RHBDD1: variants seen among roughly 807,000 people sequenced by gnomAD.
RHBDD1 encodes the protein rhomboid-related protein 4.
A neutral mutation model predicts 36.3 loss-of-function variants in RHBDD1; 38 were observed. The ratio of observed to expected loss-of-function variants is 1.05; its 90% CI spans 0.81 to 1.37. The LOEUF (loss-of-function observed/expected upper bound fraction) is 1.37. Among genes scored for constraint, RHBDD1 ranks in the 40% most tolerant of loss-of-function variants. The pLI, the probability that RHBDD1 is intolerant of heterozygous loss-of-function variation, is 0.00. For synonymous variants in RHBDD1, 151 were observed against 136.5 expected (o/e 1.11, Z -0.74); for missense variants, 393 against 377.6 (o/e 1.04, Z -0.34).
chr2:226,993,604 G>A (rs912369786), intron 8 of RHBDD1, among the ~76,000 whole-genome samples: 4 of 152,134 alleles, frequency 2.6e-5, no homozygotes, highest in Non-Finnish European at 5.9e-5. Flanking sequence ...GTTTTTTGGG[G>A]TGTTTATTTT....
intron 7 of RHBDD1, among the ~76,000 whole-genome samples, chr2:226,910,898 G>A (rs775585023): frequency 1.5e-4 from 23 of 152,092 alleles, no homozygotes; most frequent in African/African-American, 2.2e-4. Context: ...TATGATTGAC[G>A]ATATAGAACG....
chr2:226,815,878 A>T, the RHBDD1 span, among the ~76,000 whole-genome samples: 1 of 152,180 alleles, frequency 6.6e-6, no homozygotes, highest in African/African-American at 2.4e-5. Context: ...CTCTATTATA[A>T]CATATTCATG....
intron 8 of RHBDD1, among the ~76,000 whole-genome samples, chr2:226,927,129 A>G (rs79270414): frequency 0.01 from 1,576 of 152,166 alleles, 47 homozygotes; most frequent in Admixed American, 0.065. Flanking sequence ...TTAATCCTCA[A>G]CAAGCACTGT....
At position 226,957,725 on chromosome 2, in the gene RHBDD1, G is replaced by A. The variant is rs183731237; in HGVS notation, c.857-37706G>A. Among the ~76,000 whole-genome samples, 668 of 152,172 alleles carry A rather than the reference G, an allele frequency of 4.4e-3. 1 individual carries two copies. The highest frequency in any genetic ancestry group is 7.6e-3 in the Non-Finnish European group (517 of 68,002). On this transcript the variant is annotated intron_variant, in intron 8 of 8. Transcript: ENST00000392062. Reference sequence around the variant, plus strand: ...ACCACAAGACAGCCCACTCAGAAATGGGCAAATGATCTGAATAGACATTTA... The same window carrying A: ...ACCACAAGACAGCCCACTCAGAAATAGGCAAATGATCTGAATAGACATTTA...
intron 5 of RHBDD1, among the ~76,000 whole-genome samples, chr2:226,870,138 G>A (rs1944667451): frequency 6.6e-6 from 1 of 152,142 alleles, no homozygotes. Flanking sequence ...TGACAGGGCC[G>A]GGCTCACATA....
chr2:226,864,261 A>G (rs1236891798), intron 3 of RHBDD1, among the ~76,000 whole-genome samples: 2 of 152,218 alleles, frequency 1.3e-5, no homozygotes, highest in African/African-American at 2.4e-5. Context: ...GATTCTGAGT[A>G]GAAATCATTT....
the RHBDD1 span, among the ~76,000 whole-genome samples, chr2:226,812,057 A>G: frequency 6.6e-6 from 1 of 152,208 alleles, no homozygotes; most frequent in East Asian, 1.9e-4. Context: ...ATCCCCCCAT[A>G]CCCACCTTTT....
intron 8 of RHBDD1, among the ~76,000 whole-genome samples, chr2:226,960,642 T>G (rs1211881310): frequency 6.6e-6 from 1 of 152,242 alleles, no homozygotes; most frequent in Non-Finnish European, 1.5e-5. Flanking sequence ...CAACTTATTT[T>G]ATTAGATGTC....
chr2:226,969,926 G>A (rs1280437609), intron 8 of RHBDD1, among the ~76,000 whole-genome samples: 1 of 151,978 alleles, frequency 6.6e-6, no homozygotes, highest in Non-Finnish European at 1.5e-5. Context: ...AACTCAGAAG[G>A]AGGGTCTGGT....
intron 5 of RHBDD1, among the ~76,000 whole-genome samples, chr2:226,873,388 G>A (rs1490044251): frequency 2.0e-5 from 3 of 152,200 alleles, no homozygotes; most frequent in Admixed American, 6.5e-5. Context: ...GGGAGTTAGA[G>A]TGGAAAGAGA....
chr2:226,839,628 G>T lies in RHBDD1; in HGVS notation c.-91+1G>T, dbSNP rs929465548. ...AAACGTAATGGTATTAAGAATTCTG[G>T]TAAGTGGGATTCACAAACTTGTTCT... On this transcript the variant is annotated splice_donor_variant, in intron 3 of 8. Coordinates refer to ENST00000392062, the MANE Select transcript of RHBDD1 (RefSeq NM_001167608.3). LOFTEE classifies it low-confidence loss of function (5UTR_SPLICE). The T allele has an allele frequency of 2.2e-4, 34 of 152,036 alleles. No homozygotes were observed. The highest frequency in any genetic ancestry group is 8.0e-4 in the African/African-American group (33 of 41,380). The allele number at this position is 152,036 out of a possible 1,614,324, so 9.4% of individuals were successfully genotyped here.
At chr2:226,853,764 C>G (rs1175532729) in intron 3 of RHBDD1, among the ~76,000 whole-genome samples, 1 of 152,196 alleles carries the variant, frequency 6.6e-6, no homozygotes, top group Non-Finnish European at 1.5e-5. Context: ...GACTGCCCAT[C>G]TGTGGGAATG....
chr2:226,823,505 C>G, the RHBDD1 span, among the ~76,000 whole-genome samples: 1 of 152,080 alleles, frequency 6.6e-6, no homozygotes, highest in Non-Finnish European at 1.5e-5. Context: ...AAATGGTGCA[C>G]TAGACTTACC....
intron 3 of RHBDD1, among the ~76,000 whole-genome samples, chr2:226,859,227 C>G (rs987664777): frequency 2.6e-5 from 4 of 152,192 alleles, no homozygotes; most frequent in Non-Finnish European, 5.9e-5. Context: ...ATTCAGCCAA[C>G]TACAGATTGA....
chr2:226,986,938 C>G (rs1173039761), intron 8 of RHBDD1, among the ~76,000 whole-genome samples: 4 of 152,186 alleles, frequency 2.6e-5, no homozygotes, highest in Non-Finnish European at 5.9e-5. Flanking sequence ...AAATGCCCAT[C>G]AGTGATCGAC....
chr2:226,801,550 C>T, the RHBDD1 span, among the ~76,000 whole-genome samples: 9 of 152,148 alleles, frequency 5.9e-5, no homozygotes, highest in Non-Finnish European at 4.4e-5. Flanking sequence ...CGTCATGCAG[C>T]CTCATCTAAA....
At chr2:226,878,331 G>A (rs1273504439) in intron 5 of RHBDD1, among the ~76,000 whole-genome samples, 1 of 152,170 alleles carries the variant, frequency 6.6e-6, no homozygotes, top group Non-Finnish European at 1.5e-5. Flanking sequence ...TAGCAATTTA[G>A]AAGATAACTG....
chr2:226,940,103 A>C (rs67513858), intron 8 of RHBDD1, among the ~76,000 whole-genome samples: 69,595 of 152,010 alleles, frequency 0.46, 16,138 homozygotes, highest in African/African-American at 0.52. Context: ...ACACCTTATA[A>C]AAAAATCAGC....
chr2:226,867,143 CT>C, intron 4 of RHBDD1, 42 bp from the exon 5 acceptor site: 2 of 1,546,940 alleles, frequency 1.3e-6, no homozygotes, highest in Non-Finnish European at 1.7e-6. Flanking sequence ...GATACTCCTA[CT>C]TTTGGATTGT....
Sources: gnomAD v4.1 joint callset for allele counts (sites outside exome capture counted in the v4.1 genomes callset) on GRCh38, gnomAD v4.1.1 for gene constraint, MANE v1.5 for transcripts, NCBI Gene and HGNC (gene_info 2026-07-23, HGNC 2026-07-21) for gene names.